The following BBS9 variants were observed in gnomAD, a reference collection of about 807,000 sequenced individuals.
BBS9 encodes Bardet-Biedl syndrome 9.
A neutral mutation model predicts 117.7 loss-of-function variants in BBS9; 89 were observed. The observed-to-expected ratio is 0.76, with a 90% CI of 0.64 to 0.90. The LOEUF is 0.90. BBS9 is among the 40% of genes least tolerant of loss of function. The pLI is 0.00. For synonymous variants in BBS9, 379 were observed against 370.9 expected (o/e 1.02, Z -0.25); for missense variants, 982 against 1,042.2 (o/e 0.94, Z 0.80).
intron 9 of BBS9, chr7:33,314,193 T>G (rs1246084125): frequency 2.6e-6 from 1 of 384,964 alleles, no homozygotes; most frequent in African/African-American, 2.1e-5. Context: ...CATGTCTTCT[T>G]TTATGTGTTA....
downstream of BBS9, among the ~76,000 whole-genome samples, chr7:33,610,655 G>T (rs1025992361): frequency 6.6e-6 from 1 of 152,046 alleles, no homozygotes; most frequent in Non-Finnish European, 1.5e-5. Flanking sequence ...ATACTGTTTC[G>T]ACACGACTTT....
At chr7:33,261,148 A>G (rs1029551491) in intron 6 of BBS9, among the ~76,000 whole-genome samples, 1 of 151,730 alleles carries the variant, frequency 6.6e-6, no homozygotes, top group African/African-American at 2.4e-5. Flanking sequence ...AATTATGTCT[A>G]GAAGCCTCCC....
chr7:33,587,300 C>T (rs1861070232), intron 21 of BBS9, among the ~76,000 whole-genome samples: 1 of 152,092 alleles, frequency 6.6e-6, no homozygotes, highest in Non-Finnish European at 1.5e-5. Context: ...TCTCTCCCTT[C>T]CTTTTCTTTG....
intron 19 of BBS9, among the ~76,000 whole-genome samples, chr7:33,476,087 G>A (rs1421150917): frequency 6.6e-6 from 1 of 152,106 alleles, no homozygotes; most frequent in African/African-American, 2.4e-5. Context: ...TCATGCAAAG[G>A]TAGTAAAATA....
chr7:33,356,537 C>T (rs145525341), intron 15 of BBS9, among the ~76,000 whole-genome samples: 290 of 151,792 alleles, frequency 1.9e-3, no homozygotes, highest in African/African-American at 6.6e-3. Context: ...AAAAAATGAG[C>T]TACGTAAAAC....
chr7:33,390,562 T>A lies in BBS9; in HGVS notation c.2115+2418T>A, dbSNP rs566364127. 6.2e-6 allele frequency: 6 copies of A among 961,218 alleles called. No homozygotes were observed. The South Asian group carries it at 2.9e-4, about 46-fold the overall frequency. The allele number at this position is 961,218 out of a possible 1,614,324, so 59.5% of individuals were successfully genotyped here. ...TTTTATGTACCTTGCCATTCAATTT[T>A]ATTATATGTATATATTTGTAATAAA... is the stretch of plus-strand genomic sequence containing the variant. On this transcript the variant is annotated intron_variant, in intron 19 of 22. Transcript: ENST00000242067.
chr7:33,392,468 G>A (rs775116641), intron 19 of BBS9, among the ~76,000 whole-genome samples: 8 of 152,148 alleles, frequency 5.3e-5, no homozygotes, highest in Non-Finnish European at 8.8e-5. Flanking sequence ...TGTTCACATG[G>A]TGACTATATG....
chr7:33,273,929 C>T lies in BBS9; in HGVS notation c.989C>T (p.Pro330Leu), dbSNP rs370056161. The change falls in exon 9 of 23, where the codon CCT becomes CTT. Residue 330 changes from proline (P) to leucine (L), a missense_variant. Pro to Leu is a moderately conservative substitution (Grantham distance 98). Transcript: ENST00000242067. ...LKWATQLPHI[P>L]VAVRVGCLHD... ...TGGGCCACCCAACTTCCCCACATTC[C>T]TGTAGCAGTAAGAGTGGGCTGTTTG... is the stretch of plus-strand genomic sequence containing the variant. 3 of 1,613,490 alleles carry T rather than the reference C, an allele frequency of 1.9e-6. No homozygotes were observed. Among genetic ancestry groups the T allele is most frequent in the Non-Finnish European group, 2.5e-6 (3 of 1,179,712 alleles).
chr7:33,179,622 A>G (rs765201200), intron 5 of BBS9, among the ~76,000 whole-genome samples: 10 of 152,046 alleles, frequency 6.6e-5, no homozygotes, highest in Non-Finnish European at 1.3e-4. Flanking sequence ...CAGGGCTTCT[A>G]CTGATCCTAC....
At chr7:33,572,603 T>G (rs1217355719) in intron 21 of BBS9, among the ~76,000 whole-genome samples, 11 of 152,128 alleles carry the variant, frequency 7.2e-5, no homozygotes, top group Non-Finnish European at 1.5e-4. Flanking sequence ...CACCAACATC[T>G]GTTACTTTTT....
intron 19 of BBS9, among the ~76,000 whole-genome samples, chr7:33,448,632 AATG>A (rs1326266082): frequency 4.6e-5 from 7 of 152,352 alleles, no homozygotes; most frequent in Non-Finnish European, 1.0e-4. Flanking sequence ...ATGATATGTT[AATG>A]ATGATTATGC....
At chr7:33,441,606 G>A (rs1017339485) in intron 19 of BBS9, among the ~76,000 whole-genome samples, 22 of 152,216 alleles carry the variant, frequency 1.4e-4, no homozygotes, top group Admixed American at 1.4e-3. Flanking sequence ...CATGAAGCTT[G>A]AAAACCCACA....
At chr7:33,418,023 C>T (rs745452395) in intron 19 of BBS9, among the ~76,000 whole-genome samples, 2 of 152,174 alleles carry the variant, frequency 1.3e-5, no homozygotes, top group Non-Finnish European at 2.9e-5. Context: ...ATCTTGTTCA[C>T]TCTACCAAGC....
At chr7:33,427,032 C>T (rs767197496) in intron 19 of BBS9, among the ~76,000 whole-genome samples, 2 of 152,092 alleles carry the variant, frequency 1.3e-5, no homozygotes, top group Non-Finnish European at 2.9e-5. Context: ...TGATTACTGA[C>T]CATTATAAAA....
At chr7:33,157,426 T>C (rs1458282811) in intron 4 of BBS9, among the ~76,000 whole-genome samples, 3 of 152,210 alleles carry the variant, frequency 2.0e-5, no homozygotes, top group Non-Finnish European at 4.4e-5. Flanking sequence ...GACTAGGAGT[T>C]GTCCAAACTA....
chr7:33,364,242 C>CTTGAGATAAATTATAGA, intron 16 of BBS9, among the ~76,000 whole-genome samples: 1 of 31,878 alleles, frequency 3.1e-5, no homozygotes, highest in Non-Finnish European at 6.7e-5. Flanking sequence ...GCCACCGCGC[C>CTTGAGATAAATTATAGA]CGGCCTTCAC....
intron 19 of BBS9, among the ~76,000 whole-genome samples, chr7:33,443,477 G>A (rs927697095): frequency 1.1e-4 from 17 of 151,714 alleles, no homozygotes; most frequent in African/African-American, 3.9e-4. Flanking sequence ...TTTAAAAATT[G>A]TCTCTCAAGG....
chr7:33,349,415 G>A (rs940187526), intron 13 of BBS9: 3 of 509,072 alleles, frequency 5.9e-6, no homozygotes, highest in Non-Finnish European at 1.1e-5. Flanking sequence ...GAACTTGTTG[G>A]ACCTATAATT....
chr7:33,606,741 A>G (rs1174194805), downstream of BBS9, among the ~76,000 whole-genome samples: 1 of 152,104 alleles, frequency 6.6e-6, no homozygotes. Flanking sequence ...TGAATCAATT[A>G]TCTCCTTATC....
Sources: allele counts gnomAD v4.1 joint callset (sites outside exome capture counted in the v4.1 genomes callset), GRCh38; gene constraint gnomAD v4.1.1; transcripts MANE v1.5; gene names NCBI Gene and HGNC (gene_info 2026-07-23, HGNC 2026-07-21).